The following SLC26A7 variants were observed in gnomAD, a reference collection of about 807,000 sequenced individuals.
SLC26A7 encodes solute carrier family 26 member 7.
A neutral mutation model predicts 82.5 loss-of-function variants in SLC26A7; 59 were observed. The ratio of observed to expected loss-of-function variants is 0.72; its 90% confidence interval spans 0.58 to 0.89. The LOEUF (loss-of-function observed/expected upper bound fraction) is 0.89. Among genes scored for constraint, SLC26A7 ranks in the 40% least tolerant of loss-of-function variants. SLC26A7 has a pLI of 0.00. For synonymous variants in SLC26A7, 271 were observed against 274.3 expected, an observed-to-expected ratio of 0.99 and a Z score of 0.12; for missense variants, 820 against 793.0, an observed-to-expected ratio of 1.03 and a Z score of -0.41.
chr8:91,277,488 A>G (rs548862475), intron 2 of SLC26A7, among the ~76,000 whole-genome samples: 2 of 152,202 alleles, frequency 1.3e-5, no homozygotes, highest in Admixed American at 6.5e-5. Flanking sequence ...TCCCAACTCA[A>G]CCTCATTTGG....
intron 11 of SLC26A7, among the ~76,000 whole-genome samples, chr8:91,357,571 A>C (rs1176036440): frequency 6.6e-6 from 1 of 152,186 alleles, no homozygotes; most frequent in African/African-American, 2.4e-5. Flanking sequence ...AGAAAGCTGA[A>C]ACTAATCCCT....
intron 11 of SLC26A7, among the ~76,000 whole-genome samples, chr8:91,359,859 G>A (rs1207558154): frequency 6.7e-6 from 1 of 149,028 alleles, no homozygotes; most frequent in Non-Finnish European, 1.5e-5. Flanking sequence ...TATCATGGAA[G>A]TAAAATTATC....
chr8:91,336,141 G>A (rs1321375976), intron 6 of SLC26A7, among the ~76,000 whole-genome samples: 2 of 152,168 alleles, frequency 1.3e-5, no homozygotes, highest in Admixed American at 1.3e-4. Flanking sequence ...AGTATCCAGA[G>A]TGTGGTTCAG....
chr8:91,266,059 C>T (rs906338224), intron 2 of SLC26A7, among the ~76,000 whole-genome samples: 32 of 151,648 alleles, frequency 2.1e-4, no homozygotes, highest in African/African-American at 6.8e-4. Context: ...TTAGTGGTTA[C>T]GTAGTTTTGG....
intron 2 of SLC26A7, among the ~76,000 whole-genome samples, chr8:91,230,484 C>G (rs975256383): frequency 6.6e-6 from 1 of 152,230 alleles, no homozygotes; most frequent in Non-Finnish European, 1.5e-5. Context: ...GCAATTCCCT[C>G]TAATCGGAAA....
Position 91,344,118 on chromosome 8 carries a change from C to T in SLC26A7, c.1140+652C>T, listed in dbSNP as rs1813496138. On this transcript the variant is annotated intron_variant, in intron 9 of 18. Coordinates refer to ENST00000276609, the MANE Select transcript of SLC26A7 (RefSeq NM_052832.4). ...AAAAGATATTGAGTTGTGTGCCAGG[C>T]ATTGGCTGTCATACTTTTGTTATAA... 7 of 985,232 alleles carry T rather than the reference C, an allele frequency of 7.1e-6. No individual in the cohort carries two copies. In the South Asian group the frequency reaches 3.3e-4, roughly 46 times the overall value. 61.0% of individuals were successfully genotyped at this position (985,232 alleles called of 1,614,324 possible).
chr8:91,393,006 T>G (rs1808451942), intron 16 of SLC26A7, among the ~76,000 whole-genome samples: 1 of 152,200 alleles, frequency 6.6e-6, no homozygotes, highest in Admixed American at 6.5e-5. Context: ...AACTTCTTAC[T>G]GCTGGAAGAA....
At chr8:91,388,285 T>G (rs1437794094) in intron 15 of SLC26A7, among the ~76,000 whole-genome samples, 2 of 151,900 alleles carry the variant, frequency 1.3e-5, no homozygotes, top group Non-Finnish European at 2.9e-5. Flanking sequence ...CTCGCTCTGT[T>G]GCCCAGGCTG....
In SLC26A7 at chr8:91,375,180, A is replaced by G. The variant is rs570746532; in HGVS notation, c.1675+5347A>G. Among the ~76,000 whole-genome samples, 478 of 152,190 alleles carry G rather than the reference A, an allele frequency of 3.1e-3. 1 individual carries two copies. Among genetic ancestry groups the G allele is most frequent in the Non-Finnish European group, 5.6e-3 (382 of 67,926 alleles). ...GGCAGCAGATGGTTGGGTCTTTAAA[A>G]AAAAATCCATTTTGCCAAGCCATAT... is the stretch of plus-strand genomic sequence containing the variant. On this transcript the variant is annotated intron_variant, in intron 15 of 18. Transcript: ENST00000276609.
intron 4 of SLC26A7, among the ~76,000 whole-genome samples, chr8:91,304,914 C>A (rs992640679): frequency 2.0e-5 from 3 of 152,200 alleles, no homozygotes; most frequent in Non-Finnish European, 4.4e-5. Context: ...TCCTCTGTGT[C>A]TTTCAAGGTT....
Position 91,249,528 on chromosome 8 carries a change from T to C in SLC26A7, c.-113-11T>C. 1.6e-6 allele frequency: 1 copy of C among 625,546 alleles called. No individual in the cohort carries two copies. The highest frequency in any genetic ancestry group is 2.5e-6 in the Non-Finnish European group (1 of 403,102). 38.7% of individuals were successfully genotyped at this position (625,546 alleles called of 1,614,324 possible). ...CTCTCTCTCTCTTTTATTTACTTAT[T>C]TTCTGGGCAGCTTTGACATTGTAAA... On this transcript the variant is annotated splice_polypyrimidine_tract_variant and intron_variant, in intron 1 of 18. Coordinates refer to ENST00000276609, the MANE Select transcript of SLC26A7 (RefSeq NM_052832.4).
intron 2 of SLC26A7, among the ~76,000 whole-genome samples, chr8:91,260,311 C>T (rs946349272): frequency 3.3e-5 from 5 of 152,098 alleles, no homozygotes; most frequent in African/African-American, 4.8e-5. Context: ...CTCACTATCA[C>T]GAGAACGTCA....
At chr8:91,288,430 A>G (rs560199668) in intron 2 of SLC26A7, among the ~76,000 whole-genome samples, 1 of 152,324 alleles carries the variant, frequency 6.6e-6, no homozygotes, top group South Asian at 2.1e-4. Flanking sequence ...AAAATTTTCC[A>G]TGTGCATGTA....
chr8:91,340,035 TGTA>T lies in SLC26A7; in HGVS notation c.879-366_879-364del, dbSNP rs1431946351. On this transcript the variant is annotated intron_variant, in intron 7 of 18. Coordinates refer to ENST00000276609, the MANE Select transcript of SLC26A7 (RefSeq NM_052832.4). ...GCACTGTAGTATTCAAAGGAGGAAA[TGTA>T]GTCTTCAACACCAGCCAAATAAATA... 3.9e-5 allele frequency among the ~76,000 whole-genome samples: 6 copies of T among 152,234 alleles called. No homozygotes were observed. In the South Asian group the frequency reaches 1.2e-3, roughly 32 times the overall value.
chr8:91,359,044 C>T (rs1330792389), intron 11 of SLC26A7, among the ~76,000 whole-genome samples: 2 of 151,948 alleles, frequency 1.3e-5, no homozygotes, highest in African/African-American at 2.4e-5. Context: ...CAAACCTGCA[C>T]GTTGTGCACA....
At chr8:91,278,444 A>C (rs190002229) in intron 2 of SLC26A7, among the ~76,000 whole-genome samples, 1 of 152,350 alleles carries the variant, frequency 6.6e-6, no homozygotes, top group East Asian at 1.9e-4. Context: ...TATACAGCCT[A>C]AAATCATAAT....
Position 91,295,417 on chromosome 8 carries a change from GTTTC to G in SLC26A7, c.305-112_305-109del, listed in dbSNP as rs995621136. The G allele has an allele frequency of 2.5e-6, 3 of 1,212,486 alleles. No individual in the cohort carries two copies. The African/African-American group carries it at 4.6e-5, about 18-fold the overall frequency. The allele number at this position is 1,212,486 out of a possible 1,614,324, so 75.1% of individuals were successfully genotyped here. A position where few individuals can be genotyped will look rare whatever the true frequency, so the allele number is the denominator to read the frequency against. ...GCAAGGCCACAGAGGAGGGGACAGTGTTTCTAATAGATCTGTTTGGTTTCACAAT... is the reference window on the plus strand; with the variant it reads ...GCAAGGCCACAGAGGAGGGGACAGTGTAATAGATCTGTTTGGTTTCACAAT... On this transcript the variant is annotated intron_variant, in intron 3 of 18. Transcript: ENST00000276609.
upstream of SLC26A7, among the ~76,000 whole-genome samples, chr8:91,247,349 G>A (rs1810558727): frequency 6.6e-6 from 1 of 152,082 alleles, no homozygotes; most frequent in Non-Finnish European, 1.5e-5. Context: ...AATACACTTA[G>A]CATTCTTGAA....
At chr8:91,226,932 A>G (rs1810247200) in intron 2 of SLC26A7, among the ~76,000 whole-genome samples, 1 of 152,230 alleles carries the variant, frequency 6.6e-6, no homozygotes, top group South Asian at 2.1e-4. Flanking sequence ...GATGTCAGGA[A>G]ATTTACTGTT....
Sources: allele counts gnomAD v4.1 joint callset (sites outside exome capture counted in the v4.1 genomes callset), GRCh38; gene constraint gnomAD v4.1.1; transcripts MANE v1.5; gene names NCBI Gene and HGNC (gene_info 2026-07-23, HGNC 2026-07-21).